Variants in SLC9A9 observed in about 807,000 individuals in gnomAD.
SLC9A9 encodes sodium/hydrogen exchanger 9.
SLC9A9 carries 62 observed loss-of-function variants against 77.8 expected under a neutral mutation model. The ratio of observed to expected loss-of-function variants is 0.80; its 90% CI spans 0.65 to 0.98. The LOEUF is 0.98. Ranked by LOEUF, SLC9A9 falls within the 50% of genes least tolerant of loss-of-function variation. The pLI is 0.00. For missense variants in SLC9A9, 775 were observed against 774.9 expected, an observed-to-expected ratio of 1.00 and a Z score of 0.00; for synonymous variants, 320 against 283.5, an observed-to-expected ratio of 1.13 and a Z score of -1.29.
intron 12 of SLC9A9, among the ~76,000 whole-genome samples, chr3:143,441,545 G>A (rs1384006109): frequency 6.6e-6 from 1 of 151,890 alleles, no homozygotes; most frequent in Admixed American, 6.5e-5. Context: ...TTAAACATAT[G>A]CATCCTTCAA....
At chr3:143,346,969 T>C (rs980523777) in intron 14 of SLC9A9, 12 of 152,188 alleles carry the variant, frequency 7.9e-5, no homozygotes, top group East Asian at 5.8e-4. Flanking sequence ...CAAGTCTAAC[T>C]TTTCTCTATT....
chr3:143,274,307 CAT>C (rs1214994867), intron 14 of SLC9A9, among the ~76,000 whole-genome samples: 19 of 152,266 alleles, frequency 1.2e-4, no homozygotes, highest in Middle Eastern at 3.4e-3. Flanking sequence ...ATAGCATTTC[CAT>C]ATGTCTTATT....
intron 12 of SLC9A9, among the ~76,000 whole-genome samples, chr3:143,382,540 G>T (rs2033331916): frequency 6.6e-6 from 1 of 152,180 alleles, no homozygotes; most frequent in Admixed American, 6.5e-5. Flanking sequence ...AGAGTAAACA[G>T]AACGTTTTTC....
At chr3:143,728,500 C>T (rs1034326621) in intron 4 of SLC9A9, among the ~76,000 whole-genome samples, 16 of 151,930 alleles carry the variant, frequency 1.1e-4, no homozygotes, top group East Asian at 7.7e-4. Context: ...TGGATCAGCA[C>T]GGAGAGGAAG....
chr3:143,794,929 G>A (rs886272654), intron 4 of SLC9A9, 72 bp downstream of exon 4: 13 of 1,318,862 alleles, frequency 9.9e-6, no homozygotes, highest in African/African-American at 1.5e-5. Context: ...AAGAATCCTG[G>A]AAGTGTTAGA....
At chr3:143,485,741 G>A (rs562996102) in intron 11 of SLC9A9, among the ~76,000 whole-genome samples, 6 of 151,870 alleles carry the variant, frequency 4.0e-5, no homozygotes, top group Non-Finnish European at 4.4e-5. Flanking sequence ...GCCATTCAAA[G>A]TAAAAAAAAT....
At chr3:143,597,101 G>A (rs963465088) in intron 6 of SLC9A9, among the ~76,000 whole-genome samples, 1 of 152,194 alleles carries the variant, frequency 6.6e-6, no homozygotes, top group Non-Finnish European at 1.5e-5. Flanking sequence ...ACATGGATGT[G>A]CTTTGGTTAA....
At chr3:143,672,059 T>TTGC (rs2039163330) in intron 5 of SLC9A9, among the ~76,000 whole-genome samples, 1 of 152,242 alleles carries the variant, frequency 6.6e-6, no homozygotes, top group Admixed American at 6.5e-5. Flanking sequence ...AGAGCATTTT[T>TTGC]TGCTGTTTAT....
intron 6 of SLC9A9, among the ~76,000 whole-genome samples, chr3:143,616,599 G>A (rs2038111351): frequency 6.6e-6 from 1 of 152,140 alleles, no homozygotes. Context: ...GGACGCTTAG[G>A]GATCATGATG....
At chr3:143,725,754 G>A (rs572047157) in intron 4 of SLC9A9, among the ~76,000 whole-genome samples, 30 of 146,344 alleles carry the variant, frequency 2.0e-4, no homozygotes, top group African/African-American at 6.3e-4. Flanking sequence ...GGGGAGGGGG[G>A]AGAGATAGCA....
rs141087011 is a variant in SLC9A9, at chr3:143,700,404, G to C, written c.534-7097C>G. Among the ~76,000 whole-genome samples, 1,471 of 151,986 alleles carry C rather than the reference G, an allele frequency of 9.7e-3. 27 individuals carry two copies. Among genetic ancestry groups the C allele is most frequent in the African/African-American group, 0.033 (1,372 of 41,442 alleles). ...GACTCTTGGGCTCTTGGACAGCATC[G>C]GTAGACCTGCCCTGGGCCAGAGGGG... On this transcript the variant is annotated intron_variant, in intron 4 of 15. Coordinates refer to ENST00000316549, the MANE Select transcript of SLC9A9 (RefSeq NM_173653.4).
Position 143,741,753 on chromosome 3 carries a change from G to T in SLC9A9, c.534-48446C>A, listed in dbSNP as rs144770389. On this transcript the variant is annotated intron_variant, in intron 4 of 15. Transcript: ENST00000316549. The stretch of plus-strand genomic sequence containing the variant: ...GATGAAAATGGCACTTTACGTCGGT[G>T]ATCTTCCCCCTAACCCATTGAAACC... Among the ~76,000 whole-genome samples, 465 of 152,220 alleles carry T rather than the reference G, an allele frequency of 3.1e-3. 1 individual carries two copies. Among genetic ancestry groups the T allele is most frequent in the Non-Finnish European group, 5.1e-3 (347 of 68,010 alleles).
intron 14 of SLC9A9, among the ~76,000 whole-genome samples, chr3:143,334,103 A>T (rs1267590651): frequency 6.6e-6 from 1 of 152,242 alleles, no homozygotes; most frequent in Admixed American, 6.5e-5. Context: ...TGTATATGCC[A>T]ATCAATTGGA....
chr3:143,310,723 G>A (rs1258969123), intron 14 of SLC9A9, among the ~76,000 whole-genome samples: 2 of 152,202 alleles, frequency 1.3e-5, no homozygotes, highest in Non-Finnish European at 2.9e-5. Context: ...TGTGTGTGCA[G>A]AGAGGGCAGT....
At chr3:143,474,942 C>G (rs189761116) in intron 11 of SLC9A9, among the ~76,000 whole-genome samples, 1 of 144,234 alleles carries the variant, frequency 6.9e-6, no homozygotes, top group Non-Finnish European at 1.5e-5. Flanking sequence ...GACCTAAGTG[C>G]TCTCACCTTC....
At chr3:143,626,519 A>G (rs568164092) in intron 6 of SLC9A9, among the ~76,000 whole-genome samples, 2,405 of 152,158 alleles carry the variant, frequency 0.016, 71 homozygotes, top group African/African-American at 0.054. Context: ...CGCAAGGACA[A>G]AAAACCAAAC....
chr3:143,790,627 T>C (rs1255948603), intron 4 of SLC9A9, among the ~76,000 whole-genome samples: 3 of 152,234 alleles, frequency 2.0e-5, no homozygotes, highest in Non-Finnish European at 4.4e-5. Flanking sequence ...CTGAGTTTAC[T>C]ACCACTTACT....
chr3:143,664,632 A>G (rs986986041), intron 5 of SLC9A9, among the ~76,000 whole-genome samples: 2 of 152,204 alleles, frequency 1.3e-5, no homozygotes, highest in Non-Finnish European at 2.9e-5. Context: ...GGGATGGAGG[A>G]AGATCTACCA....
chr3:143,666,887 A>T (rs566121797), intron 5 of SLC9A9, among the ~76,000 whole-genome samples: 1 of 152,220 alleles, frequency 6.6e-6, no homozygotes, highest in South Asian at 2.1e-4. Flanking sequence ...CATCAATATC[A>T]TGAAAATGGC....
Sources: gnomAD v4.1 joint callset for allele counts (sites outside exome capture counted in the v4.1 genomes callset) on GRCh38, gnomAD v4.1.1 for gene constraint, MANE v1.5 for transcripts, NCBI Gene and HGNC (gene_info 2026-07-23, HGNC 2026-07-21) for gene names.